The following GRHL2 variants were observed in gnomAD, a reference collection of about 807,000 sequenced individuals.
The protein encoded by GRHL2 is grainyhead like transcription factor 2, also known as grainyhead-like protein 2 homolog.
GRHL2 carries 21 observed loss-of-function variants against 83.8 expected under a neutral mutation model. The observed-to-expected ratio is 0.25, with a 90% CI of 0.18 to 0.36. GRHL2 has a LOEUF of 0.36. GRHL2 is among the 10% of genes least tolerant of loss of function. The pLI, the probability that GRHL2 is intolerant of heterozygous loss-of-function variation, is 1.00. For synonymous variants in GRHL2, 280 were observed against 278.9 expected (o/e 1.00, Z -0.04); for missense variants, 623 against 781.8 (o/e 0.80, Z 2.42).
At chr8:101,624,578 A>G (rs1813042876) in intron 9 of GRHL2, among the ~76,000 whole-genome samples, 1 of 150,938 alleles carries the variant, frequency 6.6e-6, no homozygotes, top group Non-Finnish European at 1.5e-5. Flanking sequence ...TACACAGTAG[A>G]ACAGTTCACA....
intron 10 of GRHL2, 58 bp downstream of exon 10, chr8:101,631,782 TG>T: frequency 7.3e-7 from 1 of 1,376,912 alleles, no homozygotes; most frequent in Non-Finnish European, 1.0e-6. Flanking sequence ...CTGTGTCCAC[TG>T]GGGGAACAGG....
At chr8:101,609,911 A>T (rs1573279) in intron 8 of GRHL2, among the ~76,000 whole-genome samples, 2 of 150,498 alleles carry the variant, frequency 1.3e-5, no homozygotes, top group African/African-American at 5.0e-5. Context: ...ACAAGTTTTA[A>T]GTATTAAACA....
chr8:101,663,049 G>A (rs928062098), intron 14 of GRHL2, among the ~76,000 whole-genome samples: 4 of 152,086 alleles, frequency 2.6e-5, no homozygotes, highest in African/African-American at 9.7e-5. Flanking sequence ...TTTAACGGAT[G>A]TTTGTTATAC....
At chr8:101,524,117 T>C (rs1810752911) in intron 1 of GRHL2, among the ~76,000 whole-genome samples, 1 of 152,232 alleles carries the variant, frequency 6.6e-6, no homozygotes, top group South Asian at 2.1e-4. Flanking sequence ...TTGAATCACT[T>C]TGGATTGTTT....
chr8:101,566,442 C>G (rs1313804946), intron 4 of GRHL2, among the ~76,000 whole-genome samples: 2 of 151,856 alleles, frequency 1.3e-5, no homozygotes, highest in African/African-American at 4.8e-5. Context: ...TGCAAATGCT[C>G]TTGGCTTCAT....
intron 1 of GRHL2, among the ~76,000 whole-genome samples, chr8:101,514,656 T>C (rs1810532719): frequency 6.6e-6 from 1 of 152,090 alleles, no homozygotes; most frequent in Non-Finnish European, 1.5e-5. Flanking sequence ...GCAGCTGGAG[T>C]GCTGCAAGGT....
intron 4 of GRHL2, among the ~76,000 whole-genome samples, chr8:101,560,195 T>TGTG (rs1255817264): frequency 2.0e-5 from 3 of 151,930 alleles, no homozygotes; most frequent in Non-Finnish European, 4.4e-5. Context: ...TGTGTGTGTG[T>TGTG]GTGTGTGTGT....
At chr8:101,563,225 T>C (rs569912062) in intron 4 of GRHL2, among the ~76,000 whole-genome samples, 1 of 152,316 alleles carries the variant, frequency 6.6e-6, no homozygotes, top group East Asian at 1.9e-4. Flanking sequence ...CTTCAGGACC[T>C]AAATCCTTAA....
At chr8:101,505,014 C>CA (rs1004580800) in intron 1 of GRHL2, among the ~76,000 whole-genome samples, 3 of 142,828 alleles carry the variant, frequency 2.1e-5, no homozygotes, top group Admixed American at 1.4e-4. Context: ...AATACAACAA[C>CA]AAAAAAAAGG....
intron 2 of GRHL2, among the ~76,000 whole-genome samples, chr8:101,552,273 G>A (rs1056848666): frequency 1.3e-5 from 2 of 152,168 alleles, no homozygotes; most frequent in Admixed American, 6.5e-5. Context: ...AACCACGTCA[G>A]CACTTAAAGT....
chr8:101,662,432 G>T (rs1813941341), intron 14 of GRHL2, among the ~76,000 whole-genome samples: 1 of 152,226 alleles, frequency 6.6e-6, no homozygotes, highest in Non-Finnish European at 1.5e-5. Context: ...GAGATAGATG[G>T]AAGGGTGGGA....
intron 15 of GRHL2, 55 bp from the exon 16 acceptor site, chr8:101,666,533 TG>T: frequency 9.7e-7 from 1 of 1,031,880 alleles, no homozygotes; most frequent in African/African-American, 1.6e-5. Context: ...CCCCTTGCCC[TG>T]GGCACATTGT....
At chr8:101,504,525 T>G (rs1331384927) in intron 1 of GRHL2, among the ~76,000 whole-genome samples, 1 of 152,136 alleles carries the variant, frequency 6.6e-6, no homozygotes, top group African/African-American at 2.4e-5. Context: ...CCCGCCTGAA[T>G]GTTCATGGGA....
At chr8:101,546,102 G>C (rs1192626631) in intron 2 of GRHL2, among the ~76,000 whole-genome samples, 2 of 151,834 alleles carry the variant, frequency 1.3e-5, no homozygotes, top group Non-Finnish European at 2.9e-5. Flanking sequence ...GGATGGTCTC[G>C]ATCTCTTGAC....
chr8:101,509,134 C>CTTTTCTTT (rs1810402222), intron 1 of GRHL2, among the ~76,000 whole-genome samples: 1 of 63,810 alleles, frequency 1.6e-5, no homozygotes, highest in African/African-American at 4.2e-5. Flanking sequence ...TCCTTCCTTC[C>CTTTTCTTT]TTCCTTCCTT....
chr8:101,632,362 A>T lies in GRHL2; in HGVS notation c.1482A>T (p.Gly494=). The T allele has an allele frequency of 6.2e-7, 1 of 1,613,900 alleles. No homozygotes were observed. Among genetic ancestry groups the T allele is most frequent in the Non-Finnish European group, 8.5e-7 (1 of 1,179,820 alleles). ...DVHFANLQRT[G]QVYYNTDDER... is the part of the protein sequence containing the mutation. ...ACTTTGCAAACCTGCAGAGGACCGG[A>T]CAGGTATGACCTACCAGCTAACGCC... Residue 494 remains glycine, a synonymous_variant, in exon 11 of 16, where the codon GGA becomes GGT. Coordinates refer to ENST00000646743, the MANE Select transcript of GRHL2 (RefSeq NM_024915.4).
chr8:101,584,588 T>C (rs111940995), intron 7 of GRHL2, among the ~76,000 whole-genome samples: 16 of 152,210 alleles, frequency 1.1e-4, no homozygotes, highest in African/African-American at 3.9e-4. Context: ...TTATTTAAAC[T>C]GTTAAAAAAA....
At chr8:101,599,866 G>T (rs953929872) in intron 8 of GRHL2, among the ~76,000 whole-genome samples, 7 of 152,162 alleles carry the variant, frequency 4.6e-5, no homozygotes, top group African/African-American at 1.7e-4. Context: ...AAACCGTTCT[G>T]CTATGCCCAC....
At chr8:101,604,430 C>T (rs1360762504) in intron 8 of GRHL2, among the ~76,000 whole-genome samples, 1 of 152,058 alleles carries the variant, frequency 6.6e-6, no homozygotes, top group African/African-American at 2.4e-5. Context: ...AAACTGGGCC[C>T]CTTATTTTTG....
Sources: gnomAD v4.1 joint callset for allele counts (sites outside exome capture counted in the v4.1 genomes callset) on GRCh38, gnomAD v4.1.1 for gene constraint, MANE v1.5 for transcripts, NCBI Gene and HGNC (gene_info 2026-07-23, HGNC 2026-07-21) for gene names.